Variants in TTC39A observed in about 807,000 individuals in gnomAD.
TTC39A encodes the protein tetratricopeptide repeat protein 39A.
Under a neutral mutation model 82.3 loss-of-function variants are expected in TTC39A, and 46 were observed. The observed-to-expected ratio is 0.56, with a 90% CI of 0.44 to 0.71. The LOEUF (loss-of-function observed/expected upper bound fraction) is 0.71, where lower values mean the gene tolerates loss of function less well. Among genes scored for constraint, TTC39A ranks in the 30% least tolerant of loss-of-function variants. The pLI is 0.00. For missense variants in TTC39A, 543 were observed against 712.9 expected (o/e 0.76, Z 2.71); for synonymous variants, 254 against 275.2 (o/e 0.92, Z 0.76).
intron 2 of TTC39A, among the ~76,000 whole-genome samples, chr1:51,315,396 C>T (rs968634604): frequency 1.3e-5 from 2 of 152,282 alleles, no homozygotes; most frequent in African/African-American, 2.4e-5. Flanking sequence ...TCATCTAGGC[C>T]GCTAGTCCCC....
intron 12 of TTC39A, 59 bp downstream of exon 12, chr1:51,301,513 C>G: frequency 6.6e-7 from 1 of 1,521,682 alleles, no homozygotes; most frequent in Non-Finnish European, 8.9e-7. Context: ...GGCCCGTGGT[C>G]TGGAGGCACA....
chr1:51,324,359 G>A (rs1434920854), intron 1 of TTC39A, among the ~76,000 whole-genome samples: 1 of 152,108 alleles, frequency 6.6e-6, no homozygotes, highest in Admixed American at 6.5e-5. Flanking sequence ...CATCTGTTGA[G>A]TGGCCGTTGA....
intron 1 of TTC39A, chr1:51,344,860 C>T (rs1646077919): frequency 8.4e-7 from 1 of 1,190,906 alleles, no homozygotes; most frequent in South Asian, 1.6e-5. Context: ...CCGGCCGACC[C>T]CCACGCCCAG....
chr1:51,308,334 G>C (rs1409006378), intron 6 of TTC39A, among the ~76,000 whole-genome samples: 1 of 151,522 alleles, frequency 6.6e-6, no homozygotes, highest in Non-Finnish European at 1.5e-5. Context: ...CCGCCTCCCT[G>C]GTTCAAGCGA....
chr1:51,301,256 T>C (rs76534213), intron 12 of TTC39A: 4 of 249,372 alleles, frequency 1.6e-5, no homozygotes, highest in African/African-American at 8.7e-5. Flanking sequence ...CATGTGCTCA[T>C]TGTGCACATG....
intron 1 of TTC39A, among the ~76,000 whole-genome samples, chr1:51,344,727 T>A (rs115546204): frequency 0.016 from 2,502 of 152,336 alleles, 69 homozygotes; most frequent in African/African-American, 0.058. Flanking sequence ...ACTTCGCAGA[T>A]AGCCCGCGTC....
intron 1 of TTC39A, among the ~76,000 whole-genome samples, chr1:51,323,047 G>A (rs1238645280): frequency 6.6e-6 from 1 of 152,084 alleles, no homozygotes; most frequent in Non-Finnish European, 1.5e-5. Flanking sequence ...TGCCCAGGCT[G>A]GTCTCAACAA....
Position 51,305,995 on chromosome 1 carries a change from A to T in TTC39A, c.570T>A (p.Gly190=). The T allele has an allele frequency of 1.9e-6, 3 of 1,613,934 alleles. No homozygotes were observed. Among genetic ancestry groups the T allele is most frequent in the Non-Finnish European group, 2.5e-6 (3 of 1,179,872 alleles). Residue 190 remains glycine (G), a synonymous_variant, in exon 7 of 18, where the codon GGT becomes GGA. Transcript: ENST00000680483. ...HPHFEGGVKL[G]VGAFNLTLSM... is the part of the protein sequence containing the mutation. ...CACTCACCAGGTTGAAGGCCCCTACACCAAGCTTCACTCCTCCTTCAAAGT... is the reference window on the plus strand; with the variant it reads ...CACTCACCAGGTTGAAGGCCCCTACTCCAAGCTTCACTCCTCCTTCAAAGT...
intron 1 of TTC39A, among the ~76,000 whole-genome samples, chr1:51,337,206 T>C (rs1184414602): frequency 6.6e-6 from 1 of 152,034 alleles, no homozygotes; most frequent in Non-Finnish European, 1.5e-5. Context: ...TCCCATCATC[T>C]CCCGACATCA....
upstream of TTC39A, chr1:51,331,380 C>T (rs1381352535): frequency 7.5e-6 from 11 of 1,471,990 alleles, no homozygotes; most frequent in East Asian, 2.5e-4. Context: ...GTTAACCAGT[C>T]ACCATCTCCT....
intron 15 of TTC39A, among the ~76,000 whole-genome samples, 162 bp downstream of exon 15, chr1:51,290,352 T>C (rs965980130): frequency 1.4e-4 from 21 of 152,166 alleles, no homozygotes; most frequent in African/African-American, 2.2e-4. Context: ...GCTTTGACCC[T>C]ACCAGGTGGA....
Position 51,288,198 on chromosome 1 carries a change from C to G in TTC39A, c.1693G>C (p.Glu565Gln). 6.2e-7 allele frequency: 1 copy of G among 1,614,030 alleles called. No homozygotes were observed. Among genetic ancestry groups the G allele is most frequent in the Admixed American group, 1.7e-5 (1 of 60,022 alleles). ...AATLQAKSSL[E>Q]NSSRSMVSSV... is the part of the protein sequence containing the mutation. Reference sequence around the variant, plus strand: ...GAGACCATGGATCTGCTGCTGTTCTCTAGGGAAGACTTGGCTTGGAGTGTG... The same window carrying G: ...GAGACCATGGATCTGCTGCTGTTCTGTAGGGAAGACTTGGCTTGGAGTGTG... The change falls in exon 18 of 18, where the codon GAG (glutamate) becomes CAG (glutamine). Residue 565 changes from glutamate (E) to glutamine (Q), a missense_variant. Glu to Gln is a conservative substitution (Grantham distance 29). Transcript: ENST00000680483. This position sits in a 1 kb window ranked among gnomAD's most constrained non-coding sequence, Gnocchi z 4.8.
At chr1:51,320,416 C>CTTTTTTTTTTTTTTTTTTTTTTTCCTTTT (rs57261779) in intron 2 of TTC39A, among the ~76,000 whole-genome samples, 1 of 79,452 alleles carries the variant, frequency 1.3e-5, no homozygotes, top group East Asian at 3.3e-4. Context: ...TTTTCTTTTT[C>CTTTTTTTTTTTTTTTTTTTTTTTCCTTTT]TTTTTTTTTT....
chr1:51,303,902 C>T (rs1318364569), intron 8 of TTC39A, among the ~76,000 whole-genome samples: 2 of 152,216 alleles, frequency 1.3e-5, no homozygotes, highest in South Asian at 4.1e-4. Context: ...CTTAAGGAAA[C>T]AAAACTGAAA....
At chr1:51,302,045 C>T (rs1405413899) in intron 11 of TTC39A, 2 of 709,444 alleles carry the variant, frequency 2.8e-6, no homozygotes, top group Non-Finnish European at 2.6e-6. Flanking sequence ...AATCGTCATG[C>T]CCTAAACAGA....
intron 1 of TTC39A, among the ~76,000 whole-genome samples, chr1:51,328,340 T>A (rs1359353417): frequency 2.1e-5 from 3 of 146,084 alleles, no homozygotes; most frequent in African/African-American, 8.2e-5. Context: ...CACTTCGACA[T>A]CCATCAAGAA....
In TTC39A at chr1:51,323,659, T is replaced by C. The variant is rs375180204; in HGVS notation, c.42-1834A>G. Among the ~76,000 whole-genome samples, 12 of 152,352 alleles carry C rather than the reference T, an allele frequency of 7.9e-5. 1 individual carries two copies. The highest frequency in any genetic ancestry group is 7.7e-4 in the East Asian group (4 of 5,192). On this transcript the variant is annotated intron_variant, in intron 1 of 17. Coordinates refer to ENST00000680483, the MANE Select transcript of TTC39A (RefSeq NM_001297663.2). The stretch of plus-strand genomic sequence containing the variant: ...GCTCTTTCATTAGGTGTGTCTGACC[T>C]GCTACTTATCCTACCTACTGAATTT...
At chr1:51,319,851 C>T (rs766182133) in intron 2 of TTC39A, among the ~76,000 whole-genome samples, 32 of 151,864 alleles carry the variant, frequency 2.1e-4, no homozygotes, top group African/African-American at 3.1e-4. Flanking sequence ...CCACCATGCC[C>T]GGCTAATTTT....
intron 8 of TTC39A, among the ~76,000 whole-genome samples, chr1:51,304,016 G>A (rs551933757): frequency 2.0e-5 from 3 of 152,328 alleles, no homozygotes; most frequent in South Asian, 4.1e-4. Flanking sequence ...ACTGAGTCAC[G>A]GTGAGGGTTT....
Sources: allele counts gnomAD v4.1 joint callset (sites outside exome capture counted in the v4.1 genomes callset), GRCh38; gene constraint gnomAD v4.1.1; non-coding constraint Gnocchi (gnomAD v3.1); transcripts MANE v1.5; gene names NCBI Gene and HGNC (gene_info 2026-07-23, HGNC 2026-07-21).